The following ECE2 variants were observed in gnomAD, a reference collection of about 807,000 sequenced individuals.
ECE2 encodes endothelin converting enzyme 2.
Under a neutral mutation model 100.6 loss-of-function variants are expected in ECE2, and 81 were observed. The observed-to-expected ratio is 0.81, with a 90% CI of 0.67 to 0.97. ECE2 has a LOEUF of 0.97. Among genes scored for constraint, ECE2 ranks in the 50% least tolerant of loss-of-function variants. The pLI is 0.00. For missense variants in ECE2, 911 were observed against 988.1 expected, an observed-to-expected ratio of 0.92 and a Z score of 1.05; for synonymous variants, 391 against 391.5, an observed-to-expected ratio of 1.00 and a Z score of 0.02.
At position 184,287,831 on chromosome 3, in the gene ECE2, T is replaced by C. The variant is rs769400017; in HGVS notation, c.1264-6T>C. 1.2e-6 allele frequency: 2 copies of C among 1,613,886 alleles called. No homozygotes were observed. Among genetic ancestry groups the C allele is most frequent in the Non-Finnish European group, 1.7e-6 (2 of 1,179,792 alleles). On this transcript the variant is annotated splice_polypyrimidine_tract_variant and splice_region_variant and intron_variant, in intron 10 of 18. Transcript: ENST00000404464. ...TCTAGGGTCCTGGCTCTTTGTCCTT[T>C]AACAGTCCTGTGTGCCGAGGTGGCA...
At chr3:184,277,487 G>C (rs763127035) in intron 4 of ECE2, 21 bp downstream of exon 4, 2 of 1,612,296 alleles carry the variant, frequency 1.2e-6, no homozygotes, top group Admixed American at 3.3e-5. Context: ...CTGTTAGGGA[G>C]GCCTTGGGCC....
At position 184,289,776 on chromosome 3, in the gene ECE2, G is replaced by T; in HGVS notation, c.1551+58G>T. Reference sequence around the variant, plus strand: ...AGCCCTGTAGAGGGCACTGTTCCCTGGGCTTAGAAATTGGGGCTCAAGCAC... The same window carrying T: ...AGCCCTGTAGAGGGCACTGTTCCCTTGGCTTAGAAATTGGGGCTCAAGCAC... On this transcript the variant is annotated intron_variant, in intron 13 of 18. Transcript: ENST00000404464. The surrounding 1 kb of genome is among the most constrained non-coding windows in gnomAD (Gnocchi z 4.1). 1 of 1,472,890 alleles carries T rather than the reference G, an allele frequency of 6.8e-7. No homozygotes were observed. Among genetic ancestry groups the T allele is most frequent in the Non-Finnish European group, 9.2e-7 (1 of 1,089,780 alleles). The allele number at this position is 1,472,890 out of a possible 1,614,324, so 91.2% of individuals were successfully genotyped here. A position where few individuals can be genotyped will look rare whatever the true frequency, so the allele number is the denominator to read the frequency against.
At chr3:184,279,851 C>T (rs951396245) in intron 7 of ECE2, among the ~76,000 whole-genome samples, 1 of 151,906 alleles carries the variant, frequency 6.6e-6, no homozygotes, top group African/African-American at 2.4e-5. Context: ...ATTGCATGCT[C>T]CAAAGTAGGG....
At position 184,291,175 on chromosome 3, in the gene ECE2, G is replaced by T. The variant is rs1357674416; in HGVS notation, c.1970G>T (p.Arg657Leu). The T allele has an allele frequency of 6.2e-7, 1 of 1,613,736 alleles. No individual in the cohort carries two copies. Among genetic ancestry groups the T allele is most frequent in the Non-Finnish European group, 8.5e-7 (1 of 1,179,938 alleles). ...YQVNGERLNG[R>L]QTLGENIADN... ...GTCAATGGGGAGAGGCTCAACGGCC[G>T]CCAGACGCTGGGGGAGAACATTGCT... The change falls in exon 17 of 19, where the codon CGC becomes CTC. Residue 657 changes from arginine to leucine, a missense_variant. Transcript: ENST00000404464. This position sits in a 1 kb window ranked among gnomAD's most constrained non-coding sequence, Gnocchi z 4.1.
rs771425684 is a variant in ECE2, at chr3:184,278,546, G to T, written c.805G>T (p.Ala269Ser). Reference protein sequence around the residue: ...PSRDYYLNRTANEKVLTAYLD... With the variant: ...PSRDYYLNRTSNEKVLTAYLD... The stretch of plus-strand genomic sequence containing the variant: ...TCGGGATTACTACTTAAACAGAACT[G>T]CCAATGAGAAAGTAAGGAACATCTT... The change falls in exon 7 of 19, where the codon GCC becomes TCC. Residue 269 changes from alanine to serine, a missense_variant. Ala to Ser is a moderately conservative substitution (Grantham distance 99). Coordinates refer to ENST00000404464, the MANE Select transcript of ECE2 (RefSeq NM_001100121.2). The T allele has an allele frequency of 5.6e-6, 9 of 1,613,960 alleles. 1 individual carries two copies. Among genetic ancestry groups the T allele is most frequent in the Admixed American group, 5.0e-5 (3 of 59,974 alleles).
chr3:184,278,749 T>G, intron 7 of ECE2, 192 bp downstream of exon 7: 1 of 616,002 alleles, frequency 1.6e-6, no homozygotes, highest in Non-Finnish European at 2.8e-6. Flanking sequence ...CCTTCCTTCC[T>G]TCCTCTTATT....
At position 184,285,083 on chromosome 3, in the gene ECE2, C is replaced by T. The variant is rs753250270; in HGVS notation, c.1126C>T (p.Leu376Phe). 1 of 1,614,096 alleles carries T rather than the reference C, an allele frequency of 6.2e-7. No homozygotes were observed. The highest frequency in any genetic ancestry group is 8.5e-7 in the Non-Finnish European group (1 of 1,179,984). Residue 376 changes from leucine (L) to phenylalanine (F), a missense_variant, in exon 9 of 19, where the codon CTC (leucine) becomes TTC (phenylalanine). Transcript: ENST00000404464. ...GGATTATTTGCAGCAGGTGTCAGAG[C>T]TCATCAACCGCACGGAACCAAGGTG... Reference protein sequence around the residue: ...GMDYLQQVSELINRTEPSILN... With the variant: ...GMDYLQQVSEFINRTEPSILN...
intron 10 of ECE2, among the ~76,000 whole-genome samples, 166 bp from the exon 11 acceptor site, chr3:184,287,671 G>T (rs1465981748): frequency 6.6e-6 from 1 of 152,152 alleles, no homozygotes; most frequent in Non-Finnish European, 1.5e-5. Flanking sequence ...CTCCAGCCTG[G>T]GTGACAGAGC....
rs941585748 is a variant in ECE2, at chr3:184,291,690, G to A, written c.2121+251G>A. On this transcript the variant is annotated intron_variant, in intron 18 of 18. Coordinates refer to ENST00000404464, the MANE Select transcript of ECE2 (RefSeq NM_001100121.2). The surrounding 1 kb of genome is among the most constrained non-coding windows in gnomAD (Gnocchi z 4.1). ...GCATAGTTCAAAGGGCAAGGTTGTC[G>A]TGCTTGCGGGGCACAGGGTGGCGAA... 11 of 310,994 alleles carry A rather than the reference G, an allele frequency of 3.5e-5. No homozygotes were observed. The highest frequency in any genetic ancestry group is 1.8e-4 in the Admixed American group (3 of 16,422). 19.3% of individuals were successfully genotyped at this position (310,994 alleles called of 1,614,324 possible).
chr3:184,287,725 C>T, intron 10 of ECE2, 112 bp from the exon 11 acceptor site: 1 of 915,598 alleles, frequency 1.1e-6, no homozygotes, highest in Non-Finnish European at 1.7e-6. Flanking sequence ...CTGAGCAAAC[C>T]CAGGACTCTT....
At chr3:184,276,774 TGC>T in intron 2 of ECE2, 116 bp from the exon 3 acceptor site, 1 of 1,559,700 alleles carries the variant, frequency 6.4e-7, no homozygotes. Flanking sequence ...CTGGCCTCAT[TGC>T]CCCCGGGCCC....
At position 184,291,527 on chromosome 3, in the gene ECE2, A is replaced by T; in HGVS notation, c.2121+88A>T. ...TTAGGAGAACTCTGGGGCACGTGTC[A>T]AACGGGCTGGTGAATGGGGCTGAGG... On this transcript the variant is annotated intron_variant, in intron 18 of 18. Coordinates refer to ENST00000404464, the MANE Select transcript of ECE2 (RefSeq NM_001100121.2). This position sits in a 1 kb window ranked among gnomAD's most constrained non-coding sequence, Gnocchi z 4.1. 7.9e-7 allele frequency: 1 copy of T among 1,264,434 alleles called. No homozygotes were observed. The highest frequency in any genetic ancestry group is 1.5e-5 in the African/African-American group (1 of 65,912). The allele number at this position is 1,264,434 out of a possible 1,614,324, so 78.3% of individuals were successfully genotyped here.
chr3:184,284,054 C>T (rs1720926966), intron 8 of ECE2, 81 bp downstream of exon 8: 10 of 1,507,282 alleles, frequency 6.6e-6, no homozygotes, highest in Non-Finnish European at 9.1e-6. Flanking sequence ...ATGCCATCTC[C>T]CCAAGGCAGC....
Position 184,290,624 on chromosome 3 carries a change from G to A in ECE2, c.1723G>A (p.Ala575Thr), listed in dbSNP as rs769228119. 2.2e-5 allele frequency: 36 copies of A among 1,614,034 alleles called. No homozygotes were observed. The highest frequency in any genetic ancestry group is 6.7e-5 in the East Asian group (3 of 44,892). The change falls in exon 15 of 19, where the codon GCT becomes ACT. Residue 575 changes from alanine (A) to threonine (T), a missense_variant. Physicochemically the swap from Ala to Thr is moderately conservative, Grantham distance 58 (BLOSUM62 0). Transcript: ENST00000404464. ...LPTKNEIVFP[A>T]GILQAPFYAR... ...AACTAAGAATGAGATCGTCTTCCCC[G>A]CTGGCATCCTGCAGGCCCCCTTCTA...
intron 8 of ECE2, 110 bp downstream of exon 8, chr3:184,284,083 C>A: frequency 7.4e-7 from 1 of 1,355,124 alleles, no homozygotes. Flanking sequence ...TCCTCATTCC[C>A]TTGCTTTTCT....
Position 184,285,059 on chromosome 3 carries a change from G to T in ECE2, c.1102G>T (p.Asp368Tyr). 6.2e-7 allele frequency: 1 copy of T among 1,614,216 alleles called. No individual in the cohort carries two copies. Among genetic ancestry groups the T allele is most frequent in the Non-Finnish European group, 8.5e-7 (1 of 1,180,036 alleles). The change falls in exon 9 of 19, where the codon GAT (aspartate) becomes TAT (tyrosine). Residue 368 changes from aspartate (D) to tyrosine (Y), a missense_variant. Coordinates refer to ENST00000404464, the MANE Select transcript of ECE2 (RefSeq NM_001100121.2). ...DSEPVVVYGM[D>Y]YLQQVSELIN... The stretch of plus-strand genomic sequence containing the variant: ...TGAGCCTGTGGTGGTGTATGGGATG[G>T]ATTATTTGCAGCAGGTGTCAGAGCT...
intron 11 of ECE2, among the ~76,000 whole-genome samples, 156 bp downstream of exon 11, chr3:184,288,103 G>A (rs1460577143): frequency 1.3e-5 from 2 of 152,136 alleles, no homozygotes; most frequent in African/African-American, 4.8e-5. Context: ...GGGGTCAGGA[G>A]TTCGAGACCA....
At chr3:184,285,379 TCTCGGGACTCCTG>T in intron 9 of ECE2, 86 bp from the exon 10 acceptor site, 1 of 1,018,560 alleles carries the variant, frequency 9.8e-7, no homozygotes, top group Non-Finnish European at 1.5e-6. Context: ...CACATATGCC[TCTCGGGACTCCTG>T]CAACTTGCAT....
chr3:184,284,126 GA>G (rs555412938), intron 8 of ECE2, among the ~76,000 whole-genome samples, 153 bp downstream of exon 8: 1 of 151,940 alleles, frequency 6.6e-6, no homozygotes, highest in Admixed American at 6.6e-5. Context: ...CTGTCCTGGG[GA>G]AAAAAATGGT....
Sources: gnomAD v4.1 joint callset for allele counts (sites outside exome capture counted in the v4.1 genomes callset) on GRCh38, gnomAD v4.1.1 for gene constraint, Gnocchi (gnomAD v3.1) non-coding constraint, MANE v1.5 for transcripts, NCBI Gene and HGNC (gene_info 2026-07-23, HGNC 2026-07-21) for gene names.